The following TCERG1L variants were observed in gnomAD, a reference collection of about 807,000 sequenced individuals.
TCERG1L encodes transcription elongation regulator 1-like protein.
Under a neutral mutation model 56.3 loss-of-function variants are expected in TCERG1L, and 37 were observed. The observed-to-expected ratio is 0.66, with a 90% CI of 0.51 to 0.87. The LOEUF (loss-of-function observed/expected upper bound fraction) is 0.87, where lower values mean the gene tolerates loss of function less well. Among genes scored for constraint, TCERG1L ranks in the 40% least tolerant of loss-of-function variants. TCERG1L has a pLI of 0.00. For missense variants in TCERG1L, 799 were observed against 774.2 expected, an observed-to-expected ratio of 1.03 and a Z score of -0.38; for synonymous variants, 324 against 326.3, an observed-to-expected ratio of 0.99 and a Z score of 0.08.
chr10:131,093,408 C>T, intron 11 of TCERG1L, 90 bp from the exon 12 acceptor site: 2 of 1,486,336 alleles, frequency 1.3e-6, no homozygotes, highest in East Asian at 2.3e-5. Context: ...GAGCAAGCAT[C>T]CAGCCCTTCC....
At position 131,192,647 on chromosome 10, in the gene TCERG1L, C is replaced by A. The variant is rs1845317324; in HGVS notation, c.857-25762G>T. The stretch of plus-strand genomic sequence containing the variant: ...AGTAGATAAAGAAAATGTGGTATAT[C>A]TACACCATGGAATACCACTCAGCCA... On this transcript the variant is annotated intron_variant, in intron 4 of 11. Transcript: ENST00000368642. Among the ~76,000 whole-genome samples the A allele has an allele frequency of 1.4e-5, 2 of 144,800 alleles. 1 individual carries two copies. The highest frequency in any genetic ancestry group is 3.1e-5 in the Non-Finnish European group (2 of 65,570). 95.0% of individuals were successfully genotyped at this position (144,800 alleles called of 152,430 possible).
chr10:131,241,215 G>T (rs780695757), intron 4 of TCERG1L, among the ~76,000 whole-genome samples: 1 of 152,218 alleles, frequency 6.6e-6, no homozygotes, highest in Non-Finnish European at 1.5e-5. Flanking sequence ...GAGGCTGGGG[G>T]TGGGGAACAC....
chr10:131,132,882 C>A (rs1164621839), intron 8 of TCERG1L, among the ~76,000 whole-genome samples: 1 of 152,220 alleles, frequency 6.6e-6, no homozygotes, highest in Non-Finnish European at 1.5e-5. Context: ...CTCTGCCCTG[C>A]CACGTGCGGC....
chr10:131,142,794 C>T (rs1705813036), intron 7 of TCERG1L, among the ~76,000 whole-genome samples: 2 of 152,184 alleles, frequency 1.3e-5, no homozygotes, highest in African/African-American at 4.8e-5. Context: ...GATTCATGCC[C>T]CCCACCATTC....
chr10:131,178,494 C>T (rs1303096695), intron 4 of TCERG1L, among the ~76,000 whole-genome samples: 2 of 152,176 alleles, frequency 1.3e-5, no homozygotes, highest in African/African-American at 4.8e-5. Flanking sequence ...GTGAGGCCCC[C>T]TAGCCATGCA....
At chr10:131,299,606 T>C (rs1846738424) in intron 3 of TCERG1L, among the ~76,000 whole-genome samples, 1 of 149,020 alleles carries the variant, frequency 6.7e-6, no homozygotes, top group Non-Finnish European at 1.5e-5. Context: ...GTTCCTTAGA[T>C]GTCCTCTGTC....
chr10:131,128,913 C>T (rs947799789), intron 8 of TCERG1L, among the ~76,000 whole-genome samples: 2 of 152,222 alleles, frequency 1.3e-5, no homozygotes, highest in Admixed American at 6.5e-5. Flanking sequence ...TGATAAAGCT[C>T]GGCTCTGACG....
In TCERG1L at chr10:131,280,313, C is replaced by T. The variant is rs116911810; in HGVS notation, c.671-19869G>A. Among the ~76,000 whole-genome samples, 249 of 151,776 alleles carry T rather than the reference C, an allele frequency of 1.6e-3. 8 individuals are homozygous for T. The East Asian group carries it at 0.045, about 28-fold the overall frequency. On this transcript the variant is annotated intron_variant, in intron 3 of 11. Transcript: ENST00000368642. ...TGAATAGAATGGGAGGCAGGTTGGC[C>T]CTAAGCCATTCCCAGCTTGACTTTT...
intron 9 of TCERG1L, among the ~76,000 whole-genome samples, chr10:131,106,737 T>C (rs1454519870): frequency 2.6e-5 from 4 of 152,148 alleles, no homozygotes; most frequent in Non-Finnish European, 4.4e-5. Flanking sequence ...GGGAAGGTAA[T>C]TGAAAGTTTA....
chr10:131,189,670 T>C lies in TCERG1L; in HGVS notation c.857-22785A>G, dbSNP rs371570522. ...TGCAGGTATCTTTTTGGTATATTGA[T>C]TTCATTTCCTTTGAGTAAATGTCCA... is the stretch of plus-strand genomic sequence containing the variant. On this transcript the variant is annotated intron_variant, in intron 4 of 11. Transcript: ENST00000368642. Among the ~76,000 whole-genome samples the C allele has an allele frequency of 1.1e-4, 17 of 152,306 alleles. No homozygotes were observed. In the South Asian group the frequency reaches 3.5e-3, roughly 32 times the overall value.
intron 1 of TCERG1L, among the ~76,000 whole-genome samples, chr10:131,310,727 T>C (rs890017892): frequency 1.3e-5 from 2 of 152,152 alleles, no homozygotes; most frequent in African/African-American, 4.8e-5. Flanking sequence ...GGCAGGGGAA[T>C]CTCCGGTAAC....
chr10:131,222,620 G>T (rs1191544486), intron 4 of TCERG1L, among the ~76,000 whole-genome samples: 1 of 152,218 alleles, frequency 6.6e-6, no homozygotes, highest in East Asian at 1.9e-4. Flanking sequence ...CCCTGAACTG[G>T]CCCCATTCAG....
chr10:131,164,658 T>G (rs1416235768), intron 5 of TCERG1L, among the ~76,000 whole-genome samples: 2 of 152,208 alleles, frequency 1.3e-5, no homozygotes, highest in Non-Finnish European at 2.9e-5. Flanking sequence ...ACCAGTGCCT[T>G]ATTCAAAGCA....
At chr10:131,117,503 G>A (rs760354524) in intron 8 of TCERG1L, among the ~76,000 whole-genome samples, 2 of 152,264 alleles carry the variant, frequency 1.3e-5, no homozygotes, top group Non-Finnish European at 1.5e-5. Context: ...CAGGCACAGA[G>A]GACAGTGGAG....
At chr10:131,269,639 G>C (rs1341336139) in intron 3 of TCERG1L, among the ~76,000 whole-genome samples, 1 of 152,146 alleles carries the variant, frequency 6.6e-6, no homozygotes, top group Non-Finnish European at 1.5e-5. Flanking sequence ...GAAGTTTGTG[G>C]CTCCCCAAAA....
chr10:131,167,293 T>A (rs1013933470), intron 4 of TCERG1L, among the ~76,000 whole-genome samples: 1 of 152,012 alleles, frequency 6.6e-6, no homozygotes, highest in East Asian at 1.9e-4. Context: ...ATCACCAGGG[T>A]GAGGCTGTGA....
Position 131,311,719 on chromosome 10 carries a change from C to G in TCERG1L, c.-84G>C. On this transcript the variant is annotated 5_prime_UTR_variant, in exon 1 of 12. Coordinates refer to ENST00000368642, the MANE Select transcript of TCERG1L (RefSeq NM_174937.4). This position sits in a 1 kb window ranked among gnomAD's most constrained non-coding sequence, Gnocchi z 4.0. ...GGCGGCGGCGCGGCTCCGGAGCGAA[C>G]TCACTTGGCTCCGCGGCGCGGCCGC... 1.6e-6 allele frequency: 1 copy of G among 640,210 alleles called. No homozygotes were observed. The highest frequency in any genetic ancestry group is 7.0e-5 in the South Asian group (1 of 14,370). The allele number at this position is 640,210 out of a possible 1,614,324, so 39.7% of individuals were successfully genotyped here.
intron 3 of TCERG1L, among the ~76,000 whole-genome samples, chr10:131,272,714 T>C (rs941075061): frequency 1.3e-5 from 2 of 152,148 alleles, no homozygotes; most frequent in Admixed American, 6.5e-5. Context: ...CCAGCGTGGA[T>C]GGGGGTAGAG....
At chr10:131,137,259 CCT>C (rs202000012) in intron 7 of TCERG1L, among the ~76,000 whole-genome samples, 4,384 of 152,308 alleles carry the variant, frequency 0.029, 73 homozygotes, top group Middle Eastern at 0.041. Flanking sequence ...CGGCTGTGCC[CCT>C]GAGTCCTCTC....
Sources: gnomAD v4.1 joint callset for allele counts (sites outside exome capture counted in the v4.1 genomes callset) on GRCh38, gnomAD v4.1.1 for gene constraint, Gnocchi (gnomAD v3.1) non-coding constraint, MANE v1.5 for transcripts, NCBI Gene and HGNC (gene_info 2026-07-23, HGNC 2026-07-21) for gene names.